Variants in FCER1A observed in about 807,000 individuals in gnomAD.
The protein encoded by FCER1A is Fc epsilon receptor Ia, also known as high affinity immunoglobulin epsilon receptor subunit alpha.
FCER1A carries 24 observed loss-of-function variants against 23.6 expected under a neutral mutation model. That is an observed-to-expected ratio of 1.02 (90% confidence interval 0.74 to 1.43). The LOEUF is 1.43. FCER1A is among the 40% of genes most tolerant of loss of function. FCER1A has a pLI of 0.00. For synonymous variants in FCER1A, 121 were observed against 108.8 expected, an observed-to-expected ratio of 1.11 and a Z score of -0.70; for missense variants, 318 against 294.5, an observed-to-expected ratio of 1.08 and a Z score of -0.58.
At chr1:159,302,962 C>A in intron 2 of FCER1A, 88 bp downstream of exon 2, 1 of 1,242,654 alleles carries the variant, frequency 8.0e-7, no homozygotes, top group Non-Finnish European at 1.2e-6. Context: ...ATCACTTCTG[C>A]TTTCTAATGA....
At chr1:159,285,815 T>A (rs1469762931), upstream of FCER1A, among the ~76,000 whole-genome samples, 1 of 152,192 alleles carries the variant, frequency 6.6e-6, no homozygotes, top group Non-Finnish European at 1.5e-5. Context: ...TTTTGTTGTC[T>A]TACTCTAAGC....
chr1:159,286,488 A>T (rs375057382), upstream of FCER1A, among the ~76,000 whole-genome samples: 1 of 151,664 alleles, frequency 6.6e-6, no homozygotes, highest in African/African-American at 2.4e-5. Flanking sequence ...GCCCGCCACC[A>T]CGCCCGGCTA....
At chr1:159,307,166 G>A (rs1652640622) in intron 4 of FCER1A, among the ~76,000 whole-genome samples, 1 of 152,164 alleles carries the variant, frequency 6.6e-6, no homozygotes, top group African/African-American at 2.4e-5. Context: ...TAATGGTAAT[G>A]GGTAGCCAAT....
chr1:159,299,943 T>C (rs1482128034), upstream of FCER1A, among the ~76,000 whole-genome samples: 3 of 151,816 alleles, frequency 2.0e-5, no homozygotes, highest in Non-Finnish European at 4.4e-5. Context: ...GTATGGCTTT[T>C]TCTTTCCGAT....
intron 1 of FCER1A, among the ~76,000 whole-genome samples, chr1:159,290,191 G>T (rs762463503): frequency 6.6e-6 from 1 of 152,078 alleles, no homozygotes; most frequent in Non-Finnish European, 1.5e-5. Context: ...CCACTCCAGA[G>T]CCTCTTGTTA....
chr1:159,304,017 T>G lies in FCER1A; in HGVS notation c.166T>G (p.Phe56Val), dbSNP rs1448201982. ...NVTLTCNGNN[F>V]FEVSSTKWFH... ...GACTCTTACATGTAATGGGAACAAT[T>G]TCTTTGAAGTCAGTTCCACCAAATG... The change falls in exon 3 of 5, where the codon TTC becomes GTC. Residue 56 changes from phenylalanine (F) to valine (V), a missense_variant. Coordinates refer to ENST00000693622, the MANE Select transcript of FCER1A (RefSeq NM_001387280.1). 5.0e-6 allele frequency: 8 copies of G among 1,613,918 alleles called. No homozygotes were observed. Among genetic ancestry groups the G allele is most frequent in the Non-Finnish European group, 6.8e-6 (8 of 1,179,762 alleles).
At chr1:159,287,359 T>C (rs895993802), upstream of FCER1A, among the ~76,000 whole-genome samples, 6 of 152,212 alleles carry the variant, frequency 3.9e-5, no homozygotes, top group Non-Finnish European at 8.8e-5. Context: ...GTGGTTAGAA[T>C]TGTAGAAAGA....
chr1:159,296,177 T>C (rs1024935389), intron 1 of FCER1A, among the ~76,000 whole-genome samples: 2 of 152,184 alleles, frequency 1.3e-5, no homozygotes, highest in Non-Finnish European at 2.9e-5. Flanking sequence ...GTAATTTTAA[T>C]ATCTAATATT....
At position 159,306,110 on chromosome 1, in the gene FCER1A, C is replaced by G; in HGVS notation, c.454C>G (p.Leu152Val). 1 of 1,614,136 alleles carries G rather than the reference C, an allele frequency of 6.2e-7. No individual in the cohort carries two copies. The highest frequency in any genetic ancestry group is 8.5e-7 in the Non-Finnish European group (1 of 1,180,034). Residue 152 changes from leucine (L) to valine (V), a missense_variant, in exon 4 of 5, where the codon CTC (leucine) becomes GTC (valine). By Grantham distance (32) the Leu-to-Val change is conservative. Transcript: ENST00000693622. ...KVIYYKDGEA[L>V]KYWYENHNIS... ...GATCTATTATAAGGATGGTGAAGCT[C>G]TCAAGTACTGGTATGAGAACCACAA...
intron 1 of FCER1A, among the ~76,000 whole-genome samples, chr1:159,291,611 A>T (rs1344338217): frequency 6.6e-6 from 1 of 152,188 alleles, no homozygotes; most frequent in East Asian, 1.9e-4. Context: ...AACTTCTTCA[A>T]TTATTTAACT....
chr1:159,286,138 C>A (rs552709539), upstream of FCER1A, among the ~76,000 whole-genome samples: 12 of 151,546 alleles, frequency 7.9e-5, no homozygotes, highest in East Asian at 1.2e-3. Context: ...TGCAGTGACC[C>A]GAGATCATGC....
chr1:159,295,368 C>CA (rs1384999816), intron 1 of FCER1A, among the ~76,000 whole-genome samples: 2 of 151,380 alleles, frequency 1.3e-5, no homozygotes, highest in Admixed American at 6.6e-5. Context: ...AAATTGCAAA[C>CA]AAAAAAATGG....
upstream of FCER1A, among the ~76,000 whole-genome samples, chr1:159,301,598 A>G (rs996235781): frequency 6.6e-6 from 1 of 152,218 alleles, no homozygotes; most frequent in Non-Finnish European, 1.5e-5. Flanking sequence ...AATGTTTCCA[A>G]TTTCGCTGGT....
Position 159,303,984 on chromosome 1 carries a change from G to C in FCER1A, c.133G>C (p.Glu45Gln), listed in dbSNP as rs140395419. Residue 45 changes from glutamate to glutamine, a missense_variant, in exon 3 of 5, where the codon GAG becomes CAG. Physicochemically the swap from Glu to Gln is conservative, Grantham distance 29. Transcript: ENST00000693622. ...TCCATGGAATAGAATATTTAAAGGAGAGAATGTGACTCTTACATGTAATGG... is the reference window on the plus strand; with the variant it reads ...TCCATGGAATAGAATATTTAAAGGACAGAATGTGACTCTTACATGTAATGG... ...NPPWNRIFKG[E>Q]NVTLTCNGNN... The C allele has an allele frequency of 1.9e-6, 3 of 1,612,856 alleles. No homozygotes were observed. Among genetic ancestry groups the C allele is most frequent in the East Asian group, 2.2e-5 (1 of 44,882 alleles).
At chr1:159,283,754 A>G in the FCER1A span, among the ~76,000 whole-genome samples, 3 of 152,178 alleles carry the variant, frequency 2.0e-5, no homozygotes, top group African/African-American at 7.2e-5. Context: ...TGGCTTGAGA[A>G]GTGGCCCAGG....
At chr1:159,297,801 A>C (rs1652331285), upstream of FCER1A, among the ~76,000 whole-genome samples, 1 of 151,768 alleles carries the variant, frequency 6.6e-6, no homozygotes, top group African/African-American at 2.4e-5. Context: ...GCTTCTTGGG[A>C]GGATGAGGTG....
upstream of FCER1A, among the ~76,000 whole-genome samples, chr1:159,285,848 A>G (rs1007067799): frequency 8.5e-5 from 13 of 152,162 alleles, no homozygotes; most frequent in Non-Finnish European, 5.9e-5. Context: ...AAAATACTAT[A>G]TTGTACCTCA....
Position 159,308,057 on chromosome 1 carries a change from T to G in FCER1A, c.*125T>G. The G allele has an allele frequency of 1.6e-6, 1 of 634,432 alleles. No homozygotes were observed. The highest frequency in any genetic ancestry group is 2.6e-6 in the Non-Finnish European group (1 of 388,624). 39.3% of individuals were successfully genotyped at this position (634,432 alleles called of 1,614,324 possible). A position where few individuals can be genotyped will look rare whatever the true frequency, so the allele number is the denominator to read the frequency against. ...TGTGCTCAAGGATTTATAGAAATGCTTCATTAAACTGAGTGAAACTGGTTA... is the reference window on the plus strand; with the variant it reads ...TGTGCTCAAGGATTTATAGAAATGCGTCATTAAACTGAGTGAAACTGGTTA... On this transcript the variant is annotated 3_prime_UTR_variant, in exon 5 of 5. Transcript: ENST00000693622.
In FCER1A at chr1:159,306,200, C is replaced by T. The variant is rs1157380169; in HGVS notation, c.544C>T (p.Gln182Ter). The T allele has an allele frequency of 2.5e-6, 4 of 1,614,136 alleles. No homozygotes were observed. Among genetic ancestry groups the T allele is most frequent in the Non-Finnish European group, 3.4e-6 (4 of 1,180,004 alleles). Reference protein sequence around the residue: ...GTYYCTGKVWQLDYESEPLNI... With the variant: ...GTYYCTGKVW ...CTACTACTGTACGGGCAAAGTGTGG[C>T]AGCTGGACTATGAGTCTGAGCCCCT... Residue 182 changes from glutamine (Q) to a stop codon, truncating the protein, a stop_gained, in exon 4 of 5, where the codon CAG becomes TAG. Transcript: ENST00000693622. LOFTEE classifies it low-confidence loss of function (END_TRUNC).
Sources: allele counts gnomAD v4.1 joint callset (sites outside exome capture counted in the v4.1 genomes callset), GRCh38; gene constraint gnomAD v4.1.1; transcripts MANE v1.5; gene names NCBI Gene and HGNC (gene_info 2026-07-23, HGNC 2026-07-21).